The following TRIM45 variants were observed in gnomAD, a reference collection of about 807,000 sequenced individuals.
TRIM45 encodes the protein tripartite motif containing 45, also known as E3 ubiquitin-protein ligase TRIM45.
Under a neutral mutation model 46.7 loss-of-function variants are expected in TRIM45, and 45 were observed. That is an observed-to-expected ratio of 0.96 (90% CI 0.76 to 1.24). The LOEUF (loss-of-function observed/expected upper bound fraction) is 1.24, where lower values mean the gene tolerates loss of function less well. Among genes scored for constraint, TRIM45 ranks in the 50% most tolerant of loss-of-function variants. The probability of loss-of-function intolerance (pLI) is 0.00; values close to 1 mark genes in which losing one functional copy is unlikely to be tolerated. For missense variants in TRIM45, 680 were observed against 728.4 expected, an observed-to-expected ratio of 0.93 and a Z score of 0.77; for synonymous variants, 259 against 285.8, an observed-to-expected ratio of 0.91 and a Z score of 0.94.
chr1:117,122,373 G>A, upstream of TRIM45: 1 of 152,392 alleles, frequency 6.6e-6, no homozygotes, highest in East Asian at 1.9e-4. Context: ...CCGACTTTGG[G>A]TATTTTTCGG....
Position 117,115,482 on chromosome 1 carries a change from ATC to A in TRIM45, c.1467+91_1467+92del. The A allele has an allele frequency of 2.3e-6, 2 of 887,414 alleles. No individual in the cohort carries two copies. Among genetic ancestry groups the A allele is most frequent in the Non-Finnish European group, 3.7e-6 (2 of 546,648 alleles). 55.0% of individuals were successfully genotyped at this position (887,414 alleles called of 1,614,324 possible). On this transcript the variant is annotated intron_variant, in intron 4 of 5. Coordinates refer to ENST00000256649, the MANE Select transcript of TRIM45 (RefSeq NM_025188.4). This position sits in a 1 kb window ranked among gnomAD's most constrained non-coding sequence, Gnocchi z 4.2. ...GAAGAAGACATGGGGATTCTATTCA[ATC>A]TCTCTGTATAGCTGATCCTATGTGA... is the stretch of plus-strand genomic sequence containing the variant.
chr1:117,121,817 CT>C, upstream of TRIM45: 1 of 713,878 alleles, frequency 1.4e-6, no homozygotes, highest in Non-Finnish European at 2.6e-6. This position sits in a 1 kb window ranked among gnomAD's most constrained non-coding sequence, Gnocchi z 4.2. Flanking sequence ...AGCGGCGGCC[CT>C]CGCCGCTCCG....
chr1:117,119,040 T>A (rs557146262), intron 1 of TRIM45, among the ~76,000 whole-genome samples: 18 of 152,362 alleles, frequency 1.2e-4, no homozygotes, highest in African/African-American at 4.1e-4. Context: ...TGCAAGACTA[T>A]GACTGCATGC....
chr1:117,121,430 ACACGCC>A lies in TRIM45; in HGVS notation c.-235_-230del. Reference sequence around the variant, plus strand: ...TCCTTTCCACTGCATCCCACACCAGACACGCCCACGCCCTCCTCTGCCCCGCAAGTC... The same window carrying A: ...TCCTTTCCACTGCATCCCACACCAGACACGCCCTCCTCTGCCCCGCAAGTC... On this transcript the variant is annotated 5_prime_UTR_variant, in exon 1 of 6. Coordinates refer to ENST00000256649, the MANE Select transcript of TRIM45 (RefSeq NM_025188.4). The surrounding 1 kb of genome is among the most constrained non-coding windows in gnomAD (Gnocchi z 4.2). 1 of 536,604 alleles carries A rather than the reference ACACGCC, an allele frequency of 1.9e-6. No individual in the cohort carries two copies. Among genetic ancestry groups the A allele is most frequent in the Admixed American group, 3.5e-5 (1 of 28,252 alleles). The allele number at this position is 536,604 out of a possible 1,614,324, so 33.2% of individuals were successfully genotyped here.
Position 117,121,035 on chromosome 1 carries a change from A to C in TRIM45, c.167T>G (p.Leu56Arg), listed in dbSNP as rs1650602767. ...HTVCTTCLEQ[L>R]EPFSVVDIRG... ...GATGTCCACTACTGAGAAGGGCTCC[A>C]GCTGCTCCAGACACGTGGTGCAAAC... Residue 56 changes from leucine (L) to arginine (R), a missense_variant, in exon 1 of 6, where the codon CTG becomes CGG. Coordinates refer to ENST00000256649, the MANE Select transcript of TRIM45 (RefSeq NM_025188.4). The surrounding 1 kb of genome is among the most constrained non-coding windows in gnomAD (Gnocchi z 4.2). The C allele has an allele frequency of 6.2e-7, 1 of 1,614,086 alleles. No individual in the cohort carries two copies. The highest frequency in any genetic ancestry group is 1.3e-5 in the African/African-American group (1 of 74,920).
Position 117,120,841 on chromosome 1 carries a change from C to T in TRIM45, c.361G>A (p.Val121Met), listed in dbSNP as rs1650591835. 1 of 1,614,208 alleles carries T rather than the reference C, an allele frequency of 6.2e-7. No individual in the cohort carries two copies. Among genetic ancestry groups the T allele is most frequent in the African/African-American group, 1.3e-5 (1 of 75,056 alleles). The part of the protein sequence containing the change: ...LTIDHLAVND[V>M]MLESLRGEGQ... ...TCCCCACGTAGGCTCTCCAGCATCA[C>T]ATCATTCACGGCCAGGTGGTCTATG... The change falls in exon 1 of 6, where the codon GTG (valine) becomes ATG (methionine). Residue 121 changes from valine (V) to methionine (M), a missense_variant. Physicochemically the swap from Val to Met is conservative, Grantham distance 21. Coordinates refer to ENST00000256649, the MANE Select transcript of TRIM45 (RefSeq NM_025188.4).
At chr1:117,119,582 G>A (rs1247067837) in intron 1 of TRIM45, among the ~76,000 whole-genome samples, 2 of 151,798 alleles carry the variant, frequency 1.3e-5, no homozygotes, top group African/African-American at 4.8e-5. Context: ...ACTCCAGCCT[G>A]GGCGACTAGA....
In TRIM45 at chr1:117,111,583, T is replaced by C. The variant is rs1650209786; in HGVS notation, c.*722A>G. 6.6e-6 allele frequency: 1 copy of C among 152,162 alleles called. No individual in the cohort carries two copies. 9.4% of individuals were successfully genotyped at this position (152,162 alleles called of 1,614,324 possible). A position where few individuals can be genotyped will look rare whatever the true frequency, so the allele number is the denominator to read the frequency against. On this transcript the variant is annotated 3_prime_UTR_variant, in exon 6 of 6. Coordinates refer to ENST00000256649, the MANE Select transcript of TRIM45 (RefSeq NM_025188.4). The stretch of plus-strand genomic sequence containing the variant: ...GTATGCTAACAAAAAGTGGACAGGA[T>C]GAAAGGAGGTTTCTAATCTCTAGGG...
At chr1:117,119,467 C>T (rs189574300) in intron 1 of TRIM45, among the ~76,000 whole-genome samples, 155 of 152,166 alleles carry the variant, frequency 1.0e-3, no homozygotes, top group Middle Eastern at 3.4e-3. Flanking sequence ...ATTAGCCAGG[C>T]GTGGTGGCAT....
At chr1:117,121,884 C>T (rs1650657281), upstream of TRIM45, 1 of 713,876 alleles carries the variant, frequency 1.4e-6, no homozygotes, top group Non-Finnish European at 2.6e-6. This position sits in a 1 kb window ranked among gnomAD's most constrained non-coding sequence, Gnocchi z 4.2. Flanking sequence ...TTTGGAAATT[C>T]CACATCTTCG....
At position 117,121,359 on chromosome 1, in the gene TRIM45, G is replaced by A; in HGVS notation, c.-158C>T. The A allele has an allele frequency of 1.2e-6, 1 of 854,536 alleles. No homozygotes were observed. Among genetic ancestry groups the A allele is most frequent in the Non-Finnish European group, 1.8e-6 (1 of 569,464 alleles). 52.9% of individuals were successfully genotyped at this position (854,536 alleles called of 1,614,324 possible). On this transcript the variant is annotated 5_prime_UTR_variant, in exon 1 of 6. Transcript: ENST00000256649. This position sits in a 1 kb window ranked among gnomAD's most constrained non-coding sequence, Gnocchi z 4.2. ...AATAAAAGGGCAGACGGGAAGACGA[G>A]GCGTCCTCGAAGGAATCACCCACAG... is the stretch of plus-strand genomic sequence containing the variant.
At position 117,120,938 on chromosome 1, in the gene TRIM45, CGACTGCAG is replaced by C. The variant is rs1650598103; in HGVS notation, c.256_263del (p.Leu86AlafsTer10). The C allele has an allele frequency of 6.2e-7, 1 of 1,614,072 alleles. No homozygotes were observed. Among genetic ancestry groups the C allele is most frequent in the African/African-American group, 1.3e-5 (1 of 74,920 alleles). ...ATACAGGACAAAGGATGCCGATCTG[CGACTGCAG>C]ACTTCGTGGCTTGAGTTCCTGGAAT... On this transcript the variant is annotated frameshift_variant, in exon 1 of 6. Coordinates refer to ENST00000256649, the MANE Select transcript of TRIM45 (RefSeq NM_025188.4). LOFTEE classifies it high-confidence loss of function.
At position 117,118,098 on chromosome 1, in the gene TRIM45, A is replaced by C. The variant is rs1466712105; in HGVS notation, c.1158T>G (p.Tyr386Ter). Residue 386 changes from tyrosine to a stop codon, truncating the protein, a stop_gained, in exon 2 of 6, where the codon TAT (tyrosine) becomes TAG (stop). Coordinates refer to ENST00000256649, the MANE Select transcript of TRIM45 (RefSeq NM_025188.4). LOFTEE classifies it high-confidence loss of function. This position sits in a 1 kb window ranked among gnomAD's most constrained non-coding sequence, Gnocchi z 5.7. The stretch of plus-strand genomic sequence containing the variant: ...TGGTATTAATCGTACCATAAATTTC[A>C]TAGCCACGGCACTGGCCTGCTTTCT... ...PQEKAGQCRG[Y>*]EIYGTINTKE... The C allele has an allele frequency of 6.2e-7, 1 of 1,614,058 alleles. No homozygotes were observed. Among genetic ancestry groups the C allele is most frequent in the Non-Finnish European group, 8.5e-7 (1 of 1,180,042 alleles).
intron 5 of TRIM45, among the ~76,000 whole-genome samples, chr1:117,112,970 T>A (rs544665063): frequency 6.6e-6 from 1 of 152,250 alleles, no homozygotes; most frequent in Non-Finnish European, 1.5e-5. Context: ...CAGACCTTGT[T>A]CAATTGGTTT....
chr1:117,115,822 C>T lies in TRIM45; in HGVS notation c.1353-133G>A. The T allele has an allele frequency of 1.6e-6, 1 of 624,866 alleles. No homozygotes were observed. Among genetic ancestry groups the T allele is most frequent in the Non-Finnish European group, 2.9e-6 (1 of 348,148 alleles). 38.7% of individuals were successfully genotyped at this position (624,866 alleles called of 1,614,324 possible). A position where few individuals can be genotyped will look rare whatever the true frequency, so the allele number is the denominator to read the frequency against. On this transcript the variant is annotated intron_variant, in intron 3 of 5. Coordinates refer to ENST00000256649, the MANE Select transcript of TRIM45 (RefSeq NM_025188.4). This position sits in a 1 kb window ranked among gnomAD's most constrained non-coding sequence, Gnocchi z 4.2. ...ATATACCCAAACAGGATGCTTCTTCCATTTGCTTCAGAAGTTAATTTTACA... is the reference window on the plus strand; with the variant it reads ...ATATACCCAAACAGGATGCTTCTTCTATTTGCTTCAGAAGTTAATTTTACA...
upstream of TRIM45, chr1:117,122,065 C>T: frequency 2.3e-6 from 1 of 428,340 alleles, no homozygotes; most frequent in South Asian, 4.5e-5. Context: ...AGAGAGGCCT[C>T]AGGACCTCTT....
upstream of TRIM45, among the ~76,000 whole-genome samples, chr1:117,122,769 C>G (rs924012492): frequency 2.6e-5 from 4 of 152,184 alleles, no homozygotes; most frequent in African/African-American, 9.7e-5. Context: ...GCCACCTTCT[C>G]TGGCCTTACC....
rs1290063228 is a variant in TRIM45, at chr1:117,121,694, T to C, written c.-493A>G. 12 of 552,126 alleles carry C rather than the reference T, an allele frequency of 2.2e-5. No individual in the cohort carries two copies. The highest frequency in any genetic ancestry group is 3.5e-5 in the Non-Finnish European group (11 of 310,570). 34.2% of individuals were successfully genotyped at this position (552,126 alleles called of 1,614,324 possible). The stretch of plus-strand genomic sequence containing the variant: ...GGGAATTGCAAGCCGCCGGCGGGCT[T>C]CTCGGTGTCCACCGCCTCTCCCGCG... On this transcript the variant is annotated 5_prime_UTR_variant, in exon 1 of 6. Transcript: ENST00000256649. The surrounding 1 kb of genome is among the most constrained non-coding windows in gnomAD (Gnocchi z 4.2).
chr1:117,118,570 T>G lies in TRIM45; in HGVS notation c.686A>C (p.Asn229Thr). Residue 229 changes from asparagine to threonine, a missense_variant, in exon 2 of 6, where the codon AAT becomes ACT. Physicochemically the swap from Asn to Thr is moderately conservative, Grantham distance 65. Coordinates refer to ENST00000256649, the MANE Select transcript of TRIM45 (RefSeq NM_025188.4). This position sits in a 1 kb window ranked among gnomAD's most constrained non-coding sequence, Gnocchi z 5.7. ...AGAGTCCCCATGCTTGTGGATGACATTGCTGGTGAAGTCACAGGGGTGTTC... is the reference window on the plus strand; with the variant it reads ...AGAGTCCCCATGCTTGTGGATGACAGTGCTGGTGAAGTCACAGGGGTGTTC... ...HREHPCDFTS[N>T]VIHKHGDSVW... 6.2e-7 allele frequency: 1 copy of G among 1,614,186 alleles called. No homozygotes were observed.
Sources: gnomAD v4.1 joint callset for allele counts (sites outside exome capture counted in the v4.1 genomes callset) on GRCh38, gnomAD v4.1.1 for gene constraint, Gnocchi (gnomAD v3.1) non-coding constraint, MANE v1.5 for transcripts, NCBI Gene and HGNC (gene_info 2026-07-23, HGNC 2026-07-21) for gene names.